The following OPCML variants were observed in gnomAD, a reference collection of about 807,000 sequenced individuals.
The protein encoded by OPCML is opioid-binding protein/cell adhesion molecule.
Under a neutral mutation model 37.8 loss-of-function variants are expected in OPCML, and 13 were observed. The observed-to-expected ratio is 0.34, with a 90% CI of 0.22 to 0.55. The LOEUF is 0.55. Ranked by LOEUF, OPCML falls within the 20% of genes least tolerant of loss-of-function variation. The pLI, the probability that OPCML is intolerant of heterozygous loss-of-function variation, is 0.91. For synonymous variants in OPCML, 176 were observed against 168.8 expected, an observed-to-expected ratio of 1.04 and a Z score of -0.33; for missense variants, 341 against 435.6, an observed-to-expected ratio of 0.78 and a Z score of 1.93.
chr11:132,522,877 A>T (rs2137256265), intron 4 of OPCML, among the ~76,000 whole-genome samples: 1 of 152,256 alleles, frequency 6.6e-6, no homozygotes, highest in South Asian at 2.1e-4. Context: ...TCCTTCTAAA[A>T]CTTTCTCTTT....
At chr11:132,474,561 G>A (rs1417773474) in intron 4 of OPCML, among the ~76,000 whole-genome samples, 2 of 152,130 alleles carry the variant, frequency 1.3e-5, no homozygotes, top group Non-Finnish European at 2.9e-5. Context: ...GATTGAATGT[G>A]TTCTCAGAAT....
At chr11:132,616,164 G>T (rs1939001725) in intron 3 of OPCML, among the ~76,000 whole-genome samples, 1 of 152,144 alleles carries the variant, frequency 6.6e-6, no homozygotes, top group South Asian at 2.1e-4. Flanking sequence ...TTGGAGACAT[G>T]GCTTTCAGTG....
chr11:133,252,718 C>CA (rs1555123353), intron 1 of OPCML, among the ~76,000 whole-genome samples: 1 of 151,998 alleles, frequency 6.6e-6, no homozygotes, highest in Non-Finnish European at 1.5e-5. Context: ...GCCACTCGGG[C>CA]TTTTTTTTCT....
intron 1 of OPCML, among the ~76,000 whole-genome samples, chr11:132,945,702 A>T (rs1416329576): frequency 1.3e-5 from 2 of 152,250 alleles, no homozygotes; most frequent in African/African-American, 4.8e-5. Context: ...GCATGATAAC[A>T]TTAGCTTAAA....
intron 1 of OPCML, among the ~76,000 whole-genome samples, chr11:133,018,358 C>G (rs1565400339): frequency 6.6e-6 from 1 of 152,054 alleles, no homozygotes. Context: ...TATTCTTTCT[C>G]CTCTTTTGTC....
At chr11:132,870,805 A>G (rs2136392454) in intron 2 of OPCML, among the ~76,000 whole-genome samples, 1 of 152,338 alleles carries the variant, frequency 6.6e-6, no homozygotes, top group South Asian at 2.1e-4. Flanking sequence ...CCAGGCATAG[A>G]AAGAAAAGTG....
intron 2 of OPCML, among the ~76,000 whole-genome samples, chr11:132,837,646 G>A (rs1941093796): frequency 6.6e-6 from 1 of 152,206 alleles, no homozygotes; most frequent in Non-Finnish European, 1.5e-5. Context: ...GGACAGGTGT[G>A]CACATCAGCA....
intron 1 of OPCML, among the ~76,000 whole-genome samples, chr11:133,054,649 A>C (rs1367585591): frequency 6.6e-6 from 1 of 152,180 alleles, no homozygotes; most frequent in Non-Finnish European, 1.5e-5. Context: ...TTTCGATTTA[A>C]CCATCAGAAA....
At chr11:132,455,762 A>AATTC (rs61139767) in intron 4 of OPCML, among the ~76,000 whole-genome samples, 45,079 of 150,440 alleles carry the variant, frequency 0.3, 7,179 homozygotes, top group African/African-American at 0.4. Flanking sequence ...TTCTTTGTCA[A>AATTC]ATTCATTCAT....
rs968361149 is a variant in OPCML at position 133,443,564 on chromosome 11, T to C, written c.61+88700A>G. Among the ~76,000 whole-genome samples the C allele has an allele frequency of 1.4e-4, 21 of 152,242 alleles. 1 individual carries two copies. The South Asian group carries it at 2.5e-3, about 18-fold the overall frequency. ...AACACTTCATCCTGGCTGGAAATAATAGGCCCCATTGTACATTAGTAACCA... is the reference window on the plus strand; with the variant it reads ...AACACTTCATCCTGGCTGGAAATAACAGGCCCCATTGTACATTAGTAACCA... On this transcript the variant is annotated intron_variant, in intron 1 of 7. Transcript: ENST00000524381.
chr11:133,319,056 T>G (rs1376133220), intron 1 of OPCML, among the ~76,000 whole-genome samples: 1 of 152,104 alleles, frequency 6.6e-6, no homozygotes, highest in Non-Finnish European at 1.5e-5. Context: ...AAATAAATCA[T>G]GAGGCCACGC....
chr11:132,773,643 T>G (rs1468308482), intron 2 of OPCML, among the ~76,000 whole-genome samples: 1 of 152,202 alleles, frequency 6.6e-6, no homozygotes, highest in Non-Finnish European at 1.5e-5. Context: ...ACCCATATTC[T>G]AGAAGTTTCT....
chr11:132,669,624 A>G (rs986644221), intron 2 of OPCML, among the ~76,000 whole-genome samples: 1 of 152,192 alleles, frequency 6.6e-6, no homozygotes, highest in African/African-American at 2.4e-5. Context: ...TGGCTTTGGA[A>G]CACCTTTATG....
chr11:132,785,937 C>G (rs1044144960), intron 2 of OPCML, among the ~76,000 whole-genome samples: 1 of 152,192 alleles, frequency 6.6e-6, no homozygotes, highest in East Asian at 1.9e-4. Context: ...TGGAGAAACA[C>G]AAGATTCCAT....
chr11:133,056,145 G>A (rs780894060), intron 1 of OPCML, among the ~76,000 whole-genome samples: 10 of 152,238 alleles, frequency 6.6e-5, no homozygotes, highest in Non-Finnish European at 1.3e-4. Context: ...AAAACAAACT[G>A]GGAGATGGAG....
intron 1 of OPCML, among the ~76,000 whole-genome samples, chr11:132,987,251 A>G (rs1946696699): frequency 6.6e-6 from 1 of 152,088 alleles, no homozygotes; most frequent in South Asian, 2.1e-4. Context: ...CAGTTTTGTA[A>G]GGGGGAGGGA....
At chr11:132,940,803 C>T (rs1945550419) in intron 2 of OPCML, among the ~76,000 whole-genome samples, 1 of 150,774 alleles carries the variant, frequency 6.6e-6, no homozygotes, top group Non-Finnish European at 1.5e-5. Context: ...GTGATAAAGA[C>T]AAAAAAGAAA....
chr11:132,644,152 C>T (rs1565739670), intron 3 of OPCML, among the ~76,000 whole-genome samples: 1 of 152,118 alleles, frequency 6.6e-6, no homozygotes, highest in African/African-American at 2.4e-5. Context: ...AATAACAATG[C>T]TATAATTAAT....
At chr11:133,280,004 A>G (rs554654614) in intron 1 of OPCML, among the ~76,000 whole-genome samples, 1 of 152,288 alleles carries the variant, frequency 6.6e-6, no homozygotes, top group Admixed American at 6.5e-5. Context: ...GACTAACAGG[A>G]TGAGAAGTAG....
Sources: gnomAD v4.1 joint callset for allele counts (sites outside exome capture counted in the v4.1 genomes callset) on GRCh38, gnomAD v4.1.1 for gene constraint, MANE v1.5 for transcripts, NCBI Gene and HGNC (gene_info 2026-07-23, HGNC 2026-07-21) for gene names.